Variants in SUGCT observed in about 807,000 individuals in gnomAD.
SUGCT encodes the protein succinyl-CoA:glutarate CoA-transferase.
A neutral mutation model predicts 55.0 loss-of-function variants in SUGCT; 41 were observed. The observed-to-expected ratio is 0.74, with a 90% CI of 0.58 to 0.97. SUGCT has a LOEUF of 0.97. SUGCT is among the 50% of genes least tolerant of loss of function. The pLI is 0.00. For synonymous variants in SUGCT, 187 were observed against 200.4 expected (o/e 0.93, Z 0.56); for missense variants, 568 against 547.8 (o/e 1.04, Z -0.37).
chr7:40,623,972 G>T (rs1180183796), intron 12 of SUGCT, among the ~76,000 whole-genome samples: 1 of 152,170 alleles, frequency 6.6e-6, no homozygotes, highest in African/African-American at 2.4e-5. Flanking sequence ...TTAATTAAGG[G>T]TTCTTGGGCC....
chr7:40,532,105 A>G (rs868030519), intron 12 of SUGCT, among the ~76,000 whole-genome samples: 3 of 152,234 alleles, frequency 2.0e-5, no homozygotes, highest in South Asian at 2.1e-4. Context: ...GGTGAGGCCA[A>G]CTGCAAGGTT....
At chr7:41,033,313 C>T in the SUGCT span, among the ~76,000 whole-genome samples, 1 of 152,208 alleles carries the variant, frequency 6.6e-6, no homozygotes, top group Non-Finnish European at 1.5e-5. Flanking sequence ...ACTTCCACTA[C>T]CTGCTCTCTT....
At chr7:40,699,643 C>T (rs182895538) in intron 12 of SUGCT, among the ~76,000 whole-genome samples, 18 of 152,178 alleles carry the variant, frequency 1.2e-4, no homozygotes, top group Admixed American at 3.3e-4. Context: ...CTGAGGTGGG[C>T]GGATCGCTTG....
In SUGCT at chr7:40,449,376, G is replaced by A. The variant is rs1239933507; in HGVS notation, c.888+18G>A. The A allele has an allele frequency of 6.3e-7, 1 of 1,587,440 alleles. No individual in the cohort carries two copies. Among genetic ancestry groups the A allele is most frequent in the Admixed American group, 1.7e-5 (1 of 59,084 alleles). On this transcript the variant is annotated intron_variant, in intron 10 of 13. Coordinates refer to ENST00000335693, the MANE Select transcript of SUGCT (RefSeq NM_001193313.2). ...TCTGCAAGGTAATCTATAATTATTG[G>A]GATTGGTCGATGATTTTGTACAAAG...
At chr7:40,864,252 G>A (rs1376619940), downstream of SUGCT, among the ~76,000 whole-genome samples, 1 of 152,090 alleles carries the variant, frequency 6.6e-6, no homozygotes, top group Non-Finnish European at 1.5e-5. Flanking sequence ...TGCCTCCCAG[G>A]TTCAAGTGAT....
chr7:40,614,715 C>T (rs1798914411), intron 12 of SUGCT, among the ~76,000 whole-genome samples: 1 of 152,178 alleles, frequency 6.6e-6, no homozygotes, highest in African/African-American at 2.4e-5. Flanking sequence ...GGCCATACTA[C>T]TCAATGGCTG....
Position 40,259,584 on chromosome 7 carries a change from G to T in SUGCT, c.577-14929G>T, listed in dbSNP as rs796904865. On this transcript the variant is annotated intron_variant, in intron 7 of 13. Transcript: ENST00000335693. ...ACAGTACATATATACAATAAAAGAA[G>T]AAATACATGGTTGTAAAGTGATGGT... Among the ~76,000 whole-genome samples, 4 of 152,238 alleles carry T rather than the reference G, an allele frequency of 2.6e-5. No homozygotes were observed. In the South Asian group the frequency reaches 8.3e-4, roughly 32 times the overall value.
the SUGCT span, among the ~76,000 whole-genome samples, chr7:40,949,722 C>T: frequency 6.6e-6 from 1 of 152,122 alleles, no homozygotes; most frequent in Non-Finnish European, 1.5e-5. Flanking sequence ...ATCCTTTCCC[C>T]ATTTCTTGTT....
chr7:40,851,579 A>T (rs1793854761), intron 13 of SUGCT, among the ~76,000 whole-genome samples: 1 of 152,202 alleles, frequency 6.6e-6, no homozygotes. Flanking sequence ...TGAAGCAAAA[A>T]GCCTTTGTCA....
intron 9 of SUGCT, among the ~76,000 whole-genome samples, chr7:40,428,156 C>G (rs1787692606): frequency 6.6e-6 from 1 of 152,138 alleles, no homozygotes; most frequent in Admixed American, 6.5e-5. Context: ...AGTTTCTGAC[C>G]TAACATCTAT....
chr7:40,242,593 C>G (rs933304007), intron 7 of SUGCT, among the ~76,000 whole-genome samples: 11 of 152,024 alleles, frequency 7.2e-5, no homozygotes, highest in Non-Finnish European at 1.3e-4. Context: ...TTTCCACTCC[C>G]CATGATACCT....
intron 6 of SUGCT, among the ~76,000 whole-genome samples, chr7:40,205,749 A>G (rs554537123): frequency 4.6e-4 from 70 of 151,994 alleles, no homozygotes; most frequent in African/African-American, 1.3e-3. Context: ...ACAGCTTTGT[A>G]CATAAATGTA....
intron 9 of SUGCT, among the ~76,000 whole-genome samples, chr7:40,357,749 G>A (rs78352437): frequency 5.4e-5 from 8 of 147,884 alleles, no homozygotes; most frequent in African/African-American, 2.0e-4. Flanking sequence ...TTTCTTTTTT[G>A]TCTTTTTAAA....
intron 8 of SUGCT, among the ~76,000 whole-genome samples, chr7:40,279,841 C>CT (rs1268936484): frequency 6.6e-6 from 1 of 151,888 alleles, no homozygotes; most frequent in African/African-American, 2.4e-5. Context: ...GAAACTTCAC[C>CT]TTTTTTTAAA....
chr7:40,307,416 T>C (rs1411006939), intron 8 of SUGCT, among the ~76,000 whole-genome samples: 1 of 152,158 alleles, frequency 6.6e-6, no homozygotes. Context: ...TCAGGGCCAC[T>C]CAGAAAGTTT....
At chr7:40,896,644 C>T in the SUGCT span, among the ~76,000 whole-genome samples, 1 of 152,160 alleles carries the variant, frequency 6.6e-6, no homozygotes, top group Non-Finnish European at 1.5e-5. Context: ...TATTTGCTTC[C>T]CCTTCCACCA....
chr7:40,648,756 G>T (rs1800641307), intron 12 of SUGCT, among the ~76,000 whole-genome samples: 1 of 152,176 alleles, frequency 6.6e-6, no homozygotes, highest in Admixed American at 6.5e-5. Context: ...TTTCATTTCA[G>T]CTACAAGTAT....
intron 8 of SUGCT, among the ~76,000 whole-genome samples, chr7:40,305,696 C>G (rs1045882189): frequency 1.3e-5 from 2 of 152,070 alleles, no homozygotes; most frequent in African/African-American, 4.8e-5. Flanking sequence ...GGGTCTTGCT[C>G]TGTGTCCTAG....
chr7:40,968,730 G>A, the SUGCT span, among the ~76,000 whole-genome samples: 3 of 152,198 alleles, frequency 2.0e-5, no homozygotes, highest in African/African-American at 7.2e-5. Flanking sequence ...GACAAGAGGA[G>A]TAACCAAGGC....
Sources: allele counts gnomAD v4.1 joint callset (sites outside exome capture counted in the v4.1 genomes callset), GRCh38; gene constraint gnomAD v4.1.1; transcripts MANE v1.5; gene names NCBI Gene and HGNC (gene_info 2026-07-23, HGNC 2026-07-21).